PLEKHA5: variants seen among roughly 807,000 people sequenced by gnomAD.
The protein encoded by PLEKHA5 is pleckstrin homology domain containing A5, also known as pleckstrin homology domain-containing family A member 5.
Under a neutral mutation model 181.9 loss-of-function variants are expected in PLEKHA5, and 55 were observed. That is an observed-to-expected ratio of 0.30 (90% CI 0.24 to 0.38). The LOEUF (loss-of-function observed/expected upper bound fraction) is 0.38, where lower values mean the gene tolerates loss of function less well. PLEKHA5 is among the 10% of genes least tolerant of loss of function. PLEKHA5 has a pLI of 1.00. For synonymous variants in PLEKHA5, 535 were observed against 529.4 expected (o/e 1.01, Z -0.15); for missense variants, 1,432 against 1,549.5 (o/e 0.92, Z 1.27).
At chr12:19,178,605 C>T (rs920322594) in intron 3 of PLEKHA5, among the ~76,000 whole-genome samples, 1 of 152,186 alleles carries the variant, frequency 6.6e-6, no homozygotes, top group African/African-American at 2.4e-5. Flanking sequence ...TTTTGAGAAC[C>T]TGCTTACCTC....
chr12:19,191,657 T>C (rs1481362976), intron 3 of PLEKHA5, among the ~76,000 whole-genome samples: 1 of 152,204 alleles, frequency 6.6e-6, no homozygotes, highest in Non-Finnish European at 1.5e-5. Flanking sequence ...TAACATTCCC[T>C]GTTCCTGTGA....
intron 15 of PLEKHA5, chr12:19,306,934 C>G: frequency 2.1e-6 from 2 of 942,766 alleles, no homozygotes; most frequent in South Asian, 2.9e-5. Context: ...AGGTCTTCTG[C>G]TTGGTGTTGG....
chr12:19,241,433 T>C (rs977267036), intron 3 of PLEKHA5, among the ~76,000 whole-genome samples: 2 of 152,184 alleles, frequency 1.3e-5, no homozygotes, highest in Admixed American at 6.5e-5. Context: ...GATAAATACA[T>C]ACTGTCTTAA....
intron 15 of PLEKHA5, among the ~76,000 whole-genome samples, chr12:19,294,509 G>T (rs2079262131): frequency 6.6e-6 from 1 of 152,110 alleles, no homozygotes; most frequent in African/African-American, 2.4e-5. Context: ...AAATGAACAT[G>T]TACTAATCTA....
At chr12:19,176,184 C>CTG (rs2047159091) in intron 3 of PLEKHA5, 2 of 151,846 alleles carry the variant, frequency 1.3e-5, no homozygotes, top group South Asian at 4.2e-4. Context: ...CTCTCTCTCT[C>CTG]TCTCTCTGTC....
At chr12:19,181,359 A>G (rs1402148030) in intron 3 of PLEKHA5, among the ~76,000 whole-genome samples, 1 of 152,252 alleles carries the variant, frequency 6.6e-6, no homozygotes, top group Non-Finnish European at 1.5e-5. Flanking sequence ...TGAATAAAGC[A>G]CAATAATTGT....
At chr12:19,313,477 A>G (rs1223288597) in intron 15 of PLEKHA5, among the ~76,000 whole-genome samples, 1 of 152,224 alleles carries the variant, frequency 6.6e-6, no homozygotes, top group African/African-American at 2.4e-5. Flanking sequence ...TGGTAAAGTA[A>G]CATGAGGGAA....
intron 3 of PLEKHA5, chr12:19,201,297 AG>A (rs1280420991): frequency 1.3e-5 from 2 of 152,224 alleles, no homozygotes; most frequent in East Asian, 3.9e-4. Flanking sequence ...AACCACACTG[AG>A]GAACCCACTA....
intron 3 of PLEKHA5, among the ~76,000 whole-genome samples, chr12:19,228,774 T>C (rs1307470622): frequency 6.6e-6 from 1 of 152,214 alleles, no homozygotes; most frequent in Non-Finnish European, 1.5e-5. Context: ...TTTTTTTCTT[T>C]TTAATTTTTT....
At chr12:19,310,609 C>A (rs1291726652) in intron 15 of PLEKHA5, among the ~76,000 whole-genome samples, 97 of 111,874 alleles carry the variant, frequency 8.7e-4, no homozygotes, top group African/African-American at 9.1e-4. Flanking sequence ...GACTCCCTCT[C>A]AAAAAAAAAA....
At chr12:19,209,048 T>A (rs2056354566) in intron 3 of PLEKHA5, among the ~76,000 whole-genome samples, 1 of 152,102 alleles carries the variant, frequency 6.6e-6, no homozygotes, top group Non-Finnish European at 1.5e-5. Context: ...ATTTAATAAA[T>A]TTTTTTACAC....
chr12:19,296,065 C>G (rs1367706754), intron 15 of PLEKHA5, among the ~76,000 whole-genome samples: 2 of 150,840 alleles, frequency 1.3e-5, no homozygotes, highest in Non-Finnish European at 2.9e-5. Flanking sequence ...GAAACCTCGT[C>G]TCTACTAAAA....
chr12:19,222,426 T>G (rs2059098498), intron 3 of PLEKHA5, among the ~76,000 whole-genome samples: 1 of 152,140 alleles, frequency 6.6e-6, no homozygotes, highest in Admixed American at 6.5e-5. Flanking sequence ...TTCTCAGCTT[T>G]GGGAATTACA....
At chr12:19,217,300 G>T (rs939052206) in intron 3 of PLEKHA5, among the ~76,000 whole-genome samples, 3 of 152,184 alleles carry the variant, frequency 2.0e-5, no homozygotes, top group Admixed American at 1.3e-4. Flanking sequence ...CGTGTGGAAT[G>T]CAGTTTACTC....
chr12:19,224,593 G>C (rs2059429488), intron 3 of PLEKHA5, among the ~76,000 whole-genome samples: 1 of 151,980 alleles, frequency 6.6e-6, no homozygotes, highest in African/African-American at 2.4e-5. Flanking sequence ...AGTTTAAATG[G>C]CCTTCAGTTT....
intron 21 of PLEKHA5, among the ~76,000 whole-genome samples, chr12:19,342,110 A>T (rs1185679865): frequency 6.6e-6 from 1 of 152,200 alleles, no homozygotes; most frequent in Non-Finnish European, 1.5e-5. Context: ...ATCTATAGTC[A>T]TTAATAACTG....
chr12:19,171,017 T>C (rs1478675227), intron 3 of PLEKHA5, among the ~76,000 whole-genome samples: 2 of 152,220 alleles, frequency 1.3e-5, no homozygotes, highest in Non-Finnish European at 2.9e-5. Context: ...GTGAAAACTT[T>C]TCTGCAGTTT....
intron 3 of PLEKHA5, among the ~76,000 whole-genome samples, chr12:19,247,271 T>C (rs2063989330): frequency 1.3e-5 from 2 of 152,244 alleles, no homozygotes; most frequent in Non-Finnish European, 2.9e-5. Context: ...GGTAAATTGC[T>C]CTTCCTTCCA....
In PLEKHA5 at chr12:19,259,721, A is replaced by G. The variant is rs548577318; in HGVS notation, c.538-1228A>G. Among the ~76,000 whole-genome samples, 3 of 151,516 alleles carry G rather than the reference A, an allele frequency of 2.0e-5. No homozygotes were observed. In the South Asian group the frequency reaches 6.3e-4, roughly 32 times the overall value. ...AGCTGAGATTGTAGCACTACACACC[A>G]TCCTGGGTGACAGTGTGAGACTGTC... On this transcript the variant is annotated intron_variant, in intron 6 of 31. Coordinates refer to ENST00000429027, the MANE Select transcript of PLEKHA5 (RefSeq NM_001256470.2).
Sources: gnomAD v4.1 joint callset for allele counts (sites outside exome capture counted in the v4.1 genomes callset) on GRCh38, gnomAD v4.1.1 for gene constraint, MANE v1.5 for transcripts, NCBI Gene and HGNC (gene_info 2026-07-23, HGNC 2026-07-21) for gene names.